Variants in PSD3 observed in about 807,000 individuals in gnomAD.
PSD3 encodes PH and SEC7 domain-containing protein 3.
A neutral mutation model predicts 105.5 loss-of-function variants in PSD3; 49 were observed. The ratio of observed to expected loss-of-function variants is 0.46; its 90% CI spans 0.37 to 0.59. PSD3 has a LOEUF of 0.59. Ranked by LOEUF, PSD3 falls within the 20% of genes least tolerant of loss-of-function variation. PSD3 has a pLI of 0.00. For missense variants in PSD3, 1,561 were observed against 1,263.8 expected (o/e 1.24, Z -3.57); for synonymous variants, 557 against 457.8 (o/e 1.22, Z -2.77).
At chr8:18,647,018 C>A (rs567938720) in intron 10 of PSD3, among the ~76,000 whole-genome samples, 2 of 152,170 alleles carry the variant, frequency 1.3e-5, no homozygotes, top group Admixed American at 6.5e-5. Flanking sequence ...CCTCTATCAT[C>A]CCCCAAGAAT....
At chr8:18,827,165 T>C (rs542183534) in intron 4 of PSD3, among the ~76,000 whole-genome samples, 42 of 152,272 alleles carry the variant, frequency 2.8e-4, no homozygotes, top group Middle Eastern at 6.8e-3. Context: ...CAGAACTTCA[T>C]AGTCTAGAGA....
chr8:18,990,013 C>G (rs1459667049), intron 1 of PSD3, among the ~76,000 whole-genome samples: 1 of 138,948 alleles, frequency 7.2e-6, no homozygotes, highest in Non-Finnish European at 1.6e-5. Context: ...TTCCTTACAC[C>G]CCATCAATCA....
At chr8:18,629,593 T>C (rs1450776313) in intron 11 of PSD3, among the ~76,000 whole-genome samples, 4 of 151,918 alleles carry the variant, frequency 2.6e-5, no homozygotes, top group South Asian at 4.1e-4. Context: ...ACTAAGTGAA[T>C]GAAGCCAAAC....
intron 9 of PSD3, among the ~76,000 whole-genome samples, chr8:18,675,195 A>G (rs1800002019): frequency 6.6e-6 from 1 of 152,116 alleles, no homozygotes; most frequent in African/African-American, 2.4e-5. Flanking sequence ...AGAAAACTGT[A>G]ATGAAAAAGC....
intron 10 of PSD3, among the ~76,000 whole-genome samples, chr8:18,655,261 G>A (rs576473637): frequency 1.7e-4 from 26 of 150,664 alleles, no homozygotes; most frequent in East Asian, 1.4e-3. Flanking sequence ...CCCGGGAGGC[G>A]GAGCTTGCAG....
chr8:18,851,386 C>G (rs1014361901), intron 4 of PSD3, among the ~76,000 whole-genome samples: 6 of 152,190 alleles, frequency 3.9e-5, no homozygotes, highest in African/African-American at 1.4e-4. Flanking sequence ...GACCAAAGGG[C>G]CAACTGAACC....
chr8:18,871,556 A>T, intron 3 of PSD3, 70 bp downstream of exon 3: 1 of 1,503,452 alleles, frequency 6.7e-7, no homozygotes, highest in South Asian at 1.4e-5. Flanking sequence ...TCTCATATCA[A>T]GTACAGGATA....
chr8:18,991,559 G>C (rs1339273181), intron 1 of PSD3, among the ~76,000 whole-genome samples: 2 of 152,116 alleles, frequency 1.3e-5, no homozygotes, highest in African/African-American at 4.8e-5. Flanking sequence ...TGTGGAATGA[G>C]GGAGGGAGCA....
At chr8:18,719,899 C>T (rs1802841376) in intron 9 of PSD3, among the ~76,000 whole-genome samples, 1 of 152,130 alleles carries the variant, frequency 6.6e-6, no homozygotes, top group African/African-American at 2.4e-5. Flanking sequence ...GTATATCAGG[C>T]TCTATAAACA....
chr8:18,544,599 C>T (rs1800349038), intron 15 of PSD3, among the ~76,000 whole-genome samples: 1 of 152,078 alleles, frequency 6.6e-6, no homozygotes, highest in Non-Finnish European at 1.5e-5. Flanking sequence ...TTCATTCTCC[C>T]TTTCTGCCCT....
chr8:18,736,013 T>C (rs2129432920), intron 9 of PSD3, among the ~76,000 whole-genome samples: 1 of 152,300 alleles, frequency 6.6e-6, no homozygotes, highest in South Asian at 2.1e-4. Flanking sequence ...ACAATCTAAC[T>C]ATAAATTGTT....
rs578172234 is a variant in PSD3 at position 18,611,315 on chromosome 8, G to T, written c.2411-10881C>A. 7.9e-5 allele frequency among the ~76,000 whole-genome samples: 12 copies of T among 151,436 alleles called. No individual in the cohort carries two copies. The South Asian group carries it at 2.5e-3, about 32-fold the overall frequency. On this transcript the variant is annotated intron_variant, in intron 11 of 15. Transcript: ENST00000327040. The stretch of plus-strand genomic sequence containing the variant: ...CTTTTGTACAGTATGTTAGCAGGAA[G>T]ACATGGAATCAAAATGTGGATCCCA...
At chr8:18,736,006 A>G (rs1179071554) in intron 9 of PSD3, among the ~76,000 whole-genome samples, 4 of 152,166 alleles carry the variant, frequency 2.6e-5, no homozygotes, top group African/African-American at 9.6e-5. Context: ...ACAAAAAACA[A>G]TCTAACTATA....
chr8:18,717,571 A>G (rs1337967994), intron 9 of PSD3, among the ~76,000 whole-genome samples: 1 of 152,170 alleles, frequency 6.6e-6, no homozygotes, highest in Non-Finnish European at 1.5e-5. Flanking sequence ...AAGGGAATCA[A>G]TTTTAAACAA....
chr8:18,659,270 C>T (rs1469610740), intron 9 of PSD3, among the ~76,000 whole-genome samples: 2 of 152,184 alleles, frequency 1.3e-5, no homozygotes, highest in Non-Finnish European at 2.9e-5. Context: ...GAATATTCAT[C>T]AACTCAAACT....
chr8:18,742,108 G>GAT (rs1804623766), intron 9 of PSD3, among the ~76,000 whole-genome samples: 1 of 152,140 alleles, frequency 6.6e-6, no homozygotes, highest in Non-Finnish European at 1.5e-5. Flanking sequence ...TAATAGGGAA[G>GAT]ATATAAAAAG....
intron 9 of PSD3, chr8:18,683,812 T>C (rs745989639): frequency 1.3e-6 from 1 of 765,294 alleles, no homozygotes; most frequent in Non-Finnish European, 2.4e-6. Context: ...GAGTTGGAAA[T>C]TTTCATGGAC....
intron 9 of PSD3, among the ~76,000 whole-genome samples, chr8:18,764,839 A>C (rs558800244): frequency 6.6e-6 from 1 of 152,310 alleles, no homozygotes; most frequent in African/African-American, 2.4e-5. Flanking sequence ...TATTATCATT[A>C]TTTTGTACTC....
At chr8:18,932,915 C>G (rs541577796) in intron 2 of PSD3, among the ~76,000 whole-genome samples, 1 of 152,324 alleles carries the variant, frequency 6.6e-6, no homozygotes, top group African/African-American at 2.4e-5. Context: ...GTTCAACTTC[C>G]ACCTCCTCCA....
Sources: allele counts gnomAD v4.1 joint callset (sites outside exome capture counted in the v4.1 genomes callset), GRCh38; gene constraint gnomAD v4.1.1; transcripts MANE v1.5; gene names NCBI Gene and HGNC (gene_info 2026-07-23, HGNC 2026-07-21).